DOCK3: variants seen among roughly 807,000 people sequenced by gnomAD.
DOCK3 encodes dedicator of cytokinesis 3, also known as dedicator of cytokinesis protein 3.
DOCK3 carries 60 observed loss-of-function variants against 265.6 expected under a neutral mutation model. The observed-to-expected ratio is 0.23, with a 90% CI of 0.18 to 0.28. The LOEUF (loss-of-function observed/expected upper bound fraction) is 0.28. Ranked by LOEUF, DOCK3 falls within the 10% of genes least tolerant of loss-of-function variation. The probability of loss-of-function intolerance (pLI) is 1.00; values close to 1 mark genes in which losing one functional copy is unlikely to be tolerated. For missense variants in DOCK3, 1,981 were observed against 2,594.3 expected (o/e 0.76, Z 5.14); for synonymous variants, 881 against 938.0 (o/e 0.94, Z 1.11).
chr3:51,030,786 C>G (rs1159948963), intron 5 of DOCK3, among the ~76,000 whole-genome samples: 1 of 152,186 alleles, frequency 6.6e-6, no homozygotes, highest in Non-Finnish European at 1.5e-5. Context: ...ACCTTGGCAG[C>G]ACAAACCCCA....
At chr3:51,208,905 A>G in intron 13 of DOCK3, 43 bp downstream of exon 13, 1 of 1,550,186 alleles carries the variant, frequency 6.5e-7, no homozygotes, top group South Asian at 1.2e-5. Flanking sequence ...TTACATTTGT[A>G]GTTGCTACTC....
At chr3:50,895,646 C>T (rs948842292) in intron 4 of DOCK3, among the ~76,000 whole-genome samples, 1 of 152,092 alleles carries the variant, frequency 6.6e-6, no homozygotes, top group African/African-American at 2.4e-5. Flanking sequence ...GGTATTTCTC[C>T]TAATGCTATC....
chr3:50,726,830 A>G (rs903599521), intron 1 of DOCK3, among the ~76,000 whole-genome samples: 7 of 152,174 alleles, frequency 4.6e-5, no homozygotes, highest in Admixed American at 4.6e-4. Flanking sequence ...ATAATATTCA[A>G]AATGGCTGGA....
intron 1 of DOCK3, among the ~76,000 whole-genome samples, chr3:50,717,279 C>G (rs1240380011): frequency 6.6e-6 from 1 of 152,188 alleles, no homozygotes; most frequent in African/African-American, 2.4e-5. Context: ...AGATGTTGGA[C>G]ATGTAGAATC....
At position 50,675,368 on chromosome 3, in the gene DOCK3, G is replaced by A. The variant is rs1015253567; in HGVS notation, c.37+68G>A. ...ACGCGCCCAGCTCCCGGCCCCGCCT[G>A]GATTCGCATCCTCGTGCCCCCGCCA... On this transcript the variant is annotated intron_variant, in intron 1 of 52. Transcript: ENST00000266037. The surrounding 1 kb of genome is among the most constrained non-coding windows in gnomAD (Gnocchi z 6.1). The A allele has an allele frequency of 1.0e-3, 1,212 of 1,164,114 alleles. 2 individuals are homozygous for A. The highest frequency in any genetic ancestry group is 1.3e-3 in the Non-Finnish European group (1,180 of 932,484). 72.1% of individuals were successfully genotyped at this position (1,164,114 alleles called of 1,614,324 possible).
intron 22 of DOCK3, among the ~76,000 whole-genome samples, chr3:51,251,529 C>G (rs549175240): frequency 1.3e-5 from 2 of 152,274 alleles, no homozygotes; most frequent in East Asian, 3.9e-4. Context: ...CTCTCCAGCA[C>G]CTGTTGTTTC....
intron 9 of DOCK3, among the ~76,000 whole-genome samples, chr3:51,105,715 T>G (rs1174340383): frequency 6.6e-6 from 1 of 152,142 alleles, no homozygotes; most frequent in Non-Finnish European, 1.5e-5. Context: ...CATTTCCCAC[T>G]GACATCCCGA....
At chr3:51,053,951 AT>A (rs2081100968) in intron 5 of DOCK3, among the ~76,000 whole-genome samples, 1 of 151,722 alleles carries the variant, frequency 6.6e-6, no homozygotes, top group African/African-American at 2.4e-5. Context: ...TATCAGTTGA[AT>A]TTTTTTCTCA....
chr3:50,766,794 G>A (rs2040910502), intron 1 of DOCK3, among the ~76,000 whole-genome samples: 2 of 152,120 alleles, frequency 1.3e-5, no homozygotes, highest in African/African-American at 4.8e-5. Flanking sequence ...GTTGTTTCTT[G>A]ACTTTTTAAT....
At chr3:50,758,645 A>C (rs1190488933) in intron 1 of DOCK3, among the ~76,000 whole-genome samples, 1 of 152,006 alleles carries the variant, frequency 6.6e-6, no homozygotes, top group African/African-American at 2.4e-5. Flanking sequence ...CCTCAGCTTG[A>C]ACTCTGTACC....
intron 2 of DOCK3, among the ~76,000 whole-genome samples, chr3:50,824,184 G>A (rs77119764): frequency 6.6e-6 from 1 of 152,176 alleles, no homozygotes; most frequent in African/African-American, 2.4e-5. Flanking sequence ...ACTTTAATAA[G>A]TGAATAAATG....
chr3:50,882,414 T>G (rs1490631120), intron 3 of DOCK3, among the ~76,000 whole-genome samples: 3 of 151,876 alleles, frequency 2.0e-5, no homozygotes, highest in African/African-American at 4.8e-5. Flanking sequence ...TTAAACAAAT[T>G]TACAAGAAAA....
At chr3:50,897,023 A>C (rs1559783486) in intron 4 of DOCK3, among the ~76,000 whole-genome samples, 2 of 152,126 alleles carry the variant, frequency 1.3e-5, no homozygotes, top group Non-Finnish European at 2.9e-5. Flanking sequence ...ACTGTGAAGA[A>C]AGTTAGTGGT....
chr3:51,179,822 T>C (rs1353253497), intron 12 of DOCK3, among the ~76,000 whole-genome samples: 1 of 151,802 alleles, frequency 6.6e-6, no homozygotes, highest in Non-Finnish European at 1.5e-5. Flanking sequence ...TGAGGTCAGA[T>C]GATTGCTTGA....
intron 5 of DOCK3, among the ~76,000 whole-genome samples, chr3:50,978,683 C>G (rs940070228): frequency 6.6e-6 from 1 of 152,222 alleles, no homozygotes; most frequent in African/African-American, 2.4e-5. Context: ...CCAGTTGGAG[C>G]TTCTTGGCTG....
chr3:50,769,975 A>G (rs1383418449), intron 1 of DOCK3, among the ~76,000 whole-genome samples: 1 of 152,198 alleles, frequency 6.6e-6, no homozygotes, highest in African/African-American at 2.4e-5. Flanking sequence ...ATTAAAACTA[A>G]GAAATGAGAA....
At chr3:50,899,460 C>T (rs2049066617) in intron 4 of DOCK3, among the ~76,000 whole-genome samples, 1 of 152,148 alleles carries the variant, frequency 6.6e-6, no homozygotes. Context: ...TTAATTGGGG[C>T]ATTTAGCCCA....
intron 5 of DOCK3, among the ~76,000 whole-genome samples, chr3:50,988,647 C>T (rs947897559): frequency 6.6e-6 from 1 of 152,168 alleles, no homozygotes; most frequent in African/African-American, 2.4e-5. Flanking sequence ...TGGCAACTGG[C>T]CCCTGTCTCC....
At chr3:50,859,568 G>A (rs2046803593) in intron 3 of DOCK3, among the ~76,000 whole-genome samples, 1 of 151,970 alleles carries the variant, frequency 6.6e-6, no homozygotes, top group South Asian at 2.1e-4. Flanking sequence ...TTCTTACATT[G>A]ATTTTTTCTC....
Sources: gnomAD v4.1 joint callset for allele counts (sites outside exome capture counted in the v4.1 genomes callset) on GRCh38, gnomAD v4.1.1 for gene constraint, Gnocchi (gnomAD v3.1) non-coding constraint, MANE v1.5 for transcripts, NCBI Gene and HGNC (gene_info 2026-07-23, HGNC 2026-07-21) for gene names.